SRL: variants seen among roughly 807,000 people sequenced by gnomAD.
SRL encodes sarcalumenin.
A neutral mutation model predicts 39.5 loss-of-function variants in SRL; 23 were observed. That is an observed-to-expected ratio of 0.58 (90% CI 0.42 to 0.82). The LOEUF is 0.82. Among genes scored for constraint, SRL ranks in the 40% least tolerant of loss-of-function variants. The pLI is 0.00. For missense variants in SRL, 592 were observed against 607.8 expected (o/e 0.97, Z 0.27); for synonymous variants, 272 against 237.4 (o/e 1.15, Z -1.34).
intron 1 of SRL, among the ~76,000 whole-genome samples, chr16:4,214,789 A>G (rs1000693990): frequency 1.4e-5 from 2 of 147,440 alleles, no homozygotes; most frequent in Non-Finnish European, 3.0e-5. Context: ...TTTTTTTTAG[A>G]CGAAGTCTCA....
intron 1 of SRL, among the ~76,000 whole-genome samples, chr16:4,219,850 A>G (rs997699258): frequency 4.6e-5 from 7 of 152,072 alleles, no homozygotes; most frequent in African/African-American, 1.4e-4. Flanking sequence ...CAGCAGAGGC[A>G]TGCAGGAATG....
At chr16:4,203,132 A>AATCTCAAGCCCTACCTGTT in intron 3 of SRL, 34 bp downstream of exon 3, 5 of 1,593,800 alleles carry the variant, frequency 3.1e-6, no homozygotes, top group Non-Finnish European at 1.7e-6. Context: ...CCGTACCCGT[A>AATCTCAAGCCCTACCTGTT]ATCTCAAGCC....
At chr16:4,194,334 C>A (rs768457113) in intron 5 of SRL, among the ~76,000 whole-genome samples, 1 of 152,216 alleles carries the variant, frequency 6.6e-6, no homozygotes, top group East Asian at 1.9e-4. Flanking sequence ...TCCCCCCAGC[C>A]CCTGGTTAAA....
intron 4 of SRL, among the ~76,000 whole-genome samples, chr16:4,196,817 C>G (rs942570493): frequency 6.6e-5 from 10 of 152,018 alleles, no homozygotes; most frequent in Non-Finnish European, 1.3e-4. Context: ...AGTATTTGTC[C>G]TCTTGTGTCT....
rs938150387 is a variant in SRL, at chr16:4,204,395, A to G, written c.163+138T>C. 45 of 80,490 alleles carry G rather than the reference A, an allele frequency of 5.6e-4. 1 individual carries two copies. The highest frequency in any genetic ancestry group is 4.8e-3 in the South Asian group (42 of 8,678). 5.0% of individuals were successfully genotyped at this position (80,490 alleles called of 1,614,324 possible). Reference sequence around the variant, plus strand: ...TCTCCTCTTCCCCAACGTCCCCTCCAGCCTCCAAGATAGATACAGCCCCGG... The same window carrying G: ...TCTCCTCTTCCCCAACGTCCCCTCCGGCCTCCAAGATAGATACAGCCCCGG... On this transcript the variant is annotated intron_variant, in intron 2 of 5. Transcript: ENST00000399609.
At chr16:4,232,394 TGGACACAG>T (rs996710253) in intron 1 of SRL, among the ~76,000 whole-genome samples, 1 of 152,174 alleles carries the variant, frequency 6.6e-6, no homozygotes, top group African/African-American at 2.4e-5. Flanking sequence ...GCCTCTCTGG[TGGACACAG>T]GGACACAGGT....
chr16:4,227,034 T>TGATG (rs1262929606), intron 1 of SRL, among the ~76,000 whole-genome samples: 1 of 92,454 alleles, frequency 1.1e-5, no homozygotes, highest in Admixed American at 1.1e-4. Flanking sequence ...AAGAATGGAC[T>TGATG]GATGGATGGA....
At position 4,203,219 on chromosome 16, in the gene SRL, T is replaced by C. The variant is rs1474911309; in HGVS notation, c.206A>G (p.Lys69Arg). The change falls in exon 3 of 6, where the codon AAG becomes AGG. Residue 69 changes from lysine to arginine, a missense_variant. Physicochemically the swap from Lys to Arg is conservative, Grantham distance 26. Coordinates refer to ENST00000399609, the MANE Select transcript of SRL (RefSeq NM_001098814.2). Reference sequence around the variant, plus strand: ...GTACTTGTAGGACTGCTCCAGAGGCTTGATGGATGAGTGGTAGATCTTCCG... The same window carrying C: ...GTACTTGTAGGACTGCTCCAGAGGCCTGATGGATGAGTGGTAGATCTTCCG... ...RLRKIYHSSI[K>R]PLEQSYKYNE... The C allele has an allele frequency of 6.2e-7, 1 of 1,614,202 alleles. No homozygotes were observed. Among genetic ancestry groups the C allele is most frequent in the South Asian group, 1.1e-5 (1 of 91,088 alleles).
rs1466590934 is a variant in SRL, at chr16:4,190,150, C to T, written c.*2003G>A. 14 of 397,600 alleles carry T rather than the reference C, an allele frequency of 3.5e-5. No homozygotes were observed. The Admixed American group carries it at 4.0e-4, about 11-fold the overall frequency. 24.6% of individuals were successfully genotyped at this position (397,600 alleles called of 1,614,324 possible). ...GTTCTTGTGGAAGGGTCCAGGCCCT[C>T]CACAAAGCCAAACGCAACGGCCCCT... On this transcript the variant is annotated 3_prime_UTR_variant, in exon 6 of 6. Transcript: ENST00000399609.
chr16:4,218,335 C>T (rs909314134), intron 1 of SRL, among the ~76,000 whole-genome samples: 1 of 152,138 alleles, frequency 6.6e-6, no homozygotes, highest in Non-Finnish European at 1.5e-5. Flanking sequence ...GGCAGAGGAC[C>T]GGTAAGGGCC....
intron 1 of SRL, among the ~76,000 whole-genome samples, chr16:4,210,486 C>CTTTTTTTTTTTTTTTT (rs555999418): frequency 9.6e-6 from 1 of 104,014 alleles, no homozygotes; most frequent in African/African-American, 4.1e-5. Context: ...TTACTCATAT[C>CTTTTTTTTTTTTTTTT]TTTTTTTTTT....
At chr16:4,207,968 C>G (rs1356726935) in intron 1 of SRL, 1 of 456,760 alleles carries the variant, frequency 2.2e-6, no homozygotes, top group South Asian at 1.5e-5. Flanking sequence ...AGTGAAGGAG[C>G]AGTTTCTTGT....
At chr16:4,203,111 A>G (rs2052259393) in intron 3 of SRL, 55 bp downstream of exon 3, 3 of 1,519,098 alleles carry the variant, frequency 2.0e-6, no homozygotes, top group South Asian at 1.1e-5. Context: ...GGCCCCGCCG[A>G]CAGGCCTGCG....
intron 1 of SRL, among the ~76,000 whole-genome samples, chr16:4,223,381 T>G (rs957088540): frequency 8.2e-6 from 1 of 122,004 alleles, no homozygotes; most frequent in African/African-American, 3.8e-5. Context: ...GGAATCCACC[T>G]TTTTTTTATT....
intron 1 of SRL, among the ~76,000 whole-genome samples, chr16:4,235,867 T>C (rs2052708704): frequency 6.6e-6 from 1 of 152,028 alleles, no homozygotes; most frequent in Non-Finnish European, 1.5e-5. Flanking sequence ...GGTGAGCGGA[T>C]CTCGAGGTCA....
chr16:4,227,784 G>A (rs1209742769), intron 1 of SRL, among the ~76,000 whole-genome samples: 1 of 152,128 alleles, frequency 6.6e-6, no homozygotes, highest in Non-Finnish European at 1.5e-5. Context: ...GGCCCCAGAG[G>A]AGCTGCTTTC....
At chr16:4,201,259 G>A (rs945144168) in intron 3 of SRL, among the ~76,000 whole-genome samples, 7 of 151,648 alleles carry the variant, frequency 4.6e-5, no homozygotes, top group Admixed American at 2.0e-4. Context: ...GACCACAGGC[G>A]CATGCCACCA....
At chr16:4,237,528 C>T (rs2052725731) in intron 1 of SRL, among the ~76,000 whole-genome samples, 1 of 152,166 alleles carries the variant, frequency 6.6e-6, no homozygotes, top group African/African-American at 2.4e-5. Context: ...CCAGACGGAT[C>T]TTCCCTGAGC....
At chr16:4,229,437 A>C (rs2052634877) in intron 1 of SRL, among the ~76,000 whole-genome samples, 1 of 152,058 alleles carries the variant, frequency 6.6e-6, no homozygotes, top group African/African-American at 2.4e-5. Context: ...GCGACAGAGC[A>C]AGACACCGTC....
Sources: allele counts gnomAD v4.1 joint callset (sites outside exome capture counted in the v4.1 genomes callset), GRCh38; gene constraint gnomAD v4.1.1; transcripts MANE v1.5; gene names NCBI Gene and HGNC (gene_info 2026-07-23, HGNC 2026-07-21).